The following ADAM17 variants were observed in gnomAD, a reference collection of about 807,000 sequenced individuals.
ADAM17 encodes the protein disintegrin and metalloproteinase domain-containing protein 17.
A neutral mutation model predicts 96.7 loss-of-function variants in ADAM17; 39 were observed. The ratio of observed to expected loss-of-function variants is 0.40; its 90% CI spans 0.31 to 0.53. ADAM17 has a LOEUF of 0.53. Ranked by LOEUF, ADAM17 falls within the 20% of genes least tolerant of loss-of-function variation. The pLI is 0.44. For missense variants in ADAM17, 777 were observed against 1,013.2 expected (o/e 0.77, Z 3.17); for synonymous variants, 344 against 359.2 (o/e 0.96, Z 0.48).
chr2:9,539,083 G>T (rs28699365), intron 2 of ADAM17, among the ~76,000 whole-genome samples: 1 of 151,292 alleles, frequency 6.6e-6, no homozygotes, highest in Admixed American at 6.6e-5. Context: ...CAGCTTTTTC[G>T]TTATTTAAAA....
intron 6 of ADAM17, 51 bp downstream of exon 6, chr2:9,526,060 T>A (rs1165666144): frequency 6.6e-7 from 1 of 1,524,980 alleles, no homozygotes; most frequent in Non-Finnish European, 8.9e-7. Flanking sequence ...TCATGGAATG[T>A]ACCCACCCAA....
intron 2 of ADAM17, among the ~76,000 whole-genome samples, chr2:9,537,599 G>A (rs903088022): frequency 6.6e-6 from 1 of 151,938 alleles, no homozygotes; most frequent in African/African-American, 2.4e-5. Context: ...AGGCATGGTG[G>A]CGGGTGCCTA....
At chr2:9,548,613 T>G (rs889432485) in intron 1 of ADAM17, among the ~76,000 whole-genome samples, 9 of 152,308 alleles carry the variant, frequency 5.9e-5, no homozygotes, top group African/African-American at 2.2e-4. Flanking sequence ...ATTCTGGAGT[T>G]TCATATTCTA....
chr2:9,535,596 T>C (rs1664929161), intron 4 of ADAM17, among the ~76,000 whole-genome samples: 1 of 152,210 alleles, frequency 6.6e-6, no homozygotes, highest in South Asian at 2.1e-4. Context: ...AAGTTTTCTC[T>C]TCCTATTATC....
intron 1 of ADAM17, among the ~76,000 whole-genome samples, chr2:9,550,248 G>A (rs1305558915): frequency 2.0e-5 from 3 of 152,022 alleles, no homozygotes; most frequent in Non-Finnish European, 4.4e-5. Flanking sequence ...AGTAAAGGAG[G>A]ATAGAGTATG....
chr2:9,496,843 A>G (rs571132180), intron 14 of ADAM17, among the ~76,000 whole-genome samples: 138 of 152,152 alleles, frequency 9.1e-4, no homozygotes, highest in Non-Finnish European at 1.7e-3. Flanking sequence ...CTCACCCCCA[A>G]CAAAATTCCC....
chr2:9,504,736 T>C (rs1011089257), intron 12 of ADAM17, among the ~76,000 whole-genome samples: 26 of 143,244 alleles, frequency 1.8e-4, no homozygotes, highest in Admixed American at 1.5e-3. Context: ...CACTCCAGCC[T>C]GGCGACAGAG....
chr2:9,520,964 C>CAAAAAAAAAAAAAAAAAAAAAAAA (rs55909096), intron 8 of ADAM17, among the ~76,000 whole-genome samples: 1 of 26,292 alleles, frequency 3.8e-5, no homozygotes, highest in Non-Finnish European at 8.8e-5. Flanking sequence ...AACTCTGTCT[C>CAAAAAAAAAAAAAAAAAAAAAAAA]AAAAAAAAAA....
At chr2:9,515,745 A>G (rs1255889876) in intron 10 of ADAM17, among the ~76,000 whole-genome samples, 4 of 147,684 alleles carry the variant, frequency 2.7e-5, no homozygotes, top group East Asian at 1.9e-4. Context: ...CAAAAAAAAA[A>G]AAAAAAGAAA....
In ADAM17 at chr2:9,518,103, C is replaced by T; in HGVS notation, c.1102G>A (p.Ala368Thr). The T allele has an allele frequency of 6.3e-7, 1 of 1,586,212 alleles. No homozygotes were observed. Among genetic ancestry groups the T allele is most frequent in the Admixed American group, 1.9e-5 (1 of 52,630 alleles). Residue 368 changes from alanine to threonine, a missense_variant and splice_region_variant, in exon 9 of 19, where the codon GCT (alanine) becomes ACT (threonine). This residue lies in a region of ADAM17 where 446 missense variants were observed against 664.7 expected (regional missense o/e 0.67). Transcript: ENST00000310823. ...TCACACAAGAAATGGAAAAACTTAC[C>T]CTTTGGACAAACACCTCCATGGCTG... ...ANSHGGVCPK[A>T]YYSPVGKKNI...
intron 13 of ADAM17, among the ~76,000 whole-genome samples, chr2:9,500,773 A>C (rs563684481): frequency 2.6e-5 from 4 of 152,344 alleles, no homozygotes; most frequent in Admixed American, 2.0e-4. Context: ...AAAGATGTAG[A>C]GATATGTCCG....
At chr2:9,538,567 G>A (rs1665082257) in intron 2 of ADAM17, among the ~76,000 whole-genome samples, 1 of 152,080 alleles carries the variant, frequency 6.6e-6, no homozygotes, top group South Asian at 2.1e-4. Flanking sequence ...TATTATAAAT[G>A]TCTTATTATT....
At chr2:9,527,556 T>C (rs982423731) in intron 5 of ADAM17, 11 of 310,474 alleles carry the variant, frequency 3.5e-5, no homozygotes, top group Non-Finnish European at 6.4e-5. Flanking sequence ...CCCTTTTCCC[T>C]AATCTTTTTT....
chr2:9,533,014 C>T (rs964715798), intron 4 of ADAM17, among the ~76,000 whole-genome samples: 2 of 151,836 alleles, frequency 1.3e-5, no homozygotes, highest in African/African-American at 4.8e-5. Flanking sequence ...CACAGTGAAA[C>T]CCCATCTCTA....
rs542316178 is a variant in ADAM17, at chr2:9,497,248, C to T, written c.1649G>A (p.Gly550Asp). The change falls in exon 14 of 19, where the codon GGT becomes GAT. Residue 550 changes from glycine (G) to aspartate (D), a missense_variant and splice_region_variant. Gly to Asp is a moderately conservative substitution (Grantham distance 94). This residue lies in a region of ADAM17 where 446 missense variants were observed against 664.7 expected (regional missense o/e 0.67). Transcript: ENST00000310823. ...ATCKGVSYCT[G>D]NSSECPPPGN... ...TGGAGGCGGGCACTCACTGCTATTA[C>T]CTGGAAGCAAACACCAGTCATAACA... 6 of 1,613,880 alleles carry T rather than the reference C, an allele frequency of 3.7e-6. No individual in the cohort carries two copies. Among genetic ancestry groups the T allele is most frequent in the Non-Finnish European group, 4.2e-6 (5 of 1,179,910 alleles).
intron 14 of ADAM17, 138 bp downstream of exon 14, chr2:9,496,976 T>G: frequency 7.6e-7 from 1 of 1,318,398 alleles, no homozygotes; most frequent in Non-Finnish European, 1.0e-6. Context: ...GACACCACCC[T>G]GCCCTTCCCC....
intron 8 of ADAM17, among the ~76,000 whole-genome samples, chr2:9,520,371 T>A (rs2125020055): frequency 6.6e-6 from 1 of 152,290 alleles, no homozygotes; most frequent in Non-Finnish European, 1.5e-5. Context: ...CCAAATGACA[T>A]AAAATGATTA....
At chr2:9,520,964 C>CAAAAAAAAAAAAAGAAAAA (rs1664282073) in intron 8 of ADAM17, among the ~76,000 whole-genome samples, 1 of 26,284 alleles carries the variant, frequency 3.8e-5, no homozygotes, top group Non-Finnish European at 8.8e-5. Flanking sequence ...AACTCTGTCT[C>CAAAAAAAAAAAAAGAAAAA]AAAAAAAAAA....
rs149040017 is a variant in ADAM17, at chr2:9,488,597, C to A, written c.*1580G>T. 48 of 281,244 alleles carry A rather than the reference C, an allele frequency of 1.7e-4. No individual in the cohort carries two copies. The East Asian group carries it at 3.0e-3, about 17-fold the overall frequency. 17.4% of individuals were successfully genotyped at this position (281,244 alleles called of 1,614,324 possible). Reference sequence around the variant, plus strand: ...CAAAGACTATGTTTTTAAAAAGTCACAATTTTATAAAAATGGTTTTTCTTA... The same window carrying A: ...CAAAGACTATGTTTTTAAAAAGTCAAAATTTTATAAAAATGGTTTTTCTTA... On this transcript the variant is annotated 3_prime_UTR_variant, in exon 19 of 19. Coordinates refer to ENST00000310823, the MANE Select transcript of ADAM17 (RefSeq NM_003183.6).
Sources: gnomAD v4.1 joint callset for allele counts (sites outside exome capture counted in the v4.1 genomes callset) on GRCh38, gnomAD v4.1.1 for gene constraint, gnomAD v4.1.1 regional missense constraint, MANE v1.5 for transcripts, NCBI Gene and HGNC (gene_info 2026-07-23, HGNC 2026-07-21) for gene names.